The following ANKMY1 variants were observed in gnomAD, a reference collection of about 807,000 sequenced individuals.
The protein encoded by ANKMY1 is ankyrin repeat and MYND domain-containing protein 1.
Under a neutral mutation model 102.0 loss-of-function variants are expected in ANKMY1, and 98 were observed. The observed-to-expected ratio is 0.96, with a 90% confidence interval of 0.82 to 1.14. The LOEUF is 1.14. Among genes scored for constraint, ANKMY1 ranks in the 50% most tolerant of loss-of-function variants. The probability of loss-of-function intolerance (pLI) is 0.00; values close to 1 mark genes in which losing one functional copy is unlikely to be tolerated. For missense variants in ANKMY1, 1,330 were observed against 1,347.6 expected (o/e 0.99, Z 0.20); for synonymous variants, 582 against 559.9 (o/e 1.04, Z -0.56).
intron 4 of ANKMY1, among the ~76,000 whole-genome samples, chr2:240,543,012 C>T (rs1158831175): frequency 2.6e-5 from 4 of 151,620 alleles, no homozygotes; most frequent in South Asian, 4.2e-4. Context: ...GCAGTTTTCA[C>T]GAGATTTAAG....
chr2:240,472,065 G>A, the ANKMY1 span, among the ~76,000 whole-genome samples: 1 of 151,970 alleles, frequency 6.6e-6, no homozygotes, highest in East Asian at 1.9e-4. Context: ...AGGACGTGCT[G>A]GGAGACACTC....
At chr2:240,478,917 C>T (rs565927469), downstream of ANKMY1, among the ~76,000 whole-genome samples, 1 of 152,268 alleles carries the variant, frequency 6.6e-6, no homozygotes, top group African/African-American at 2.4e-5. Context: ...TCCGGGGATG[C>T]TGTCGTCCTT....
At position 240,524,030 on chromosome 2, in the gene ANKMY1, C is replaced by T; in HGVS notation, c.1687G>A (p.Val563Met). 1.9e-6 allele frequency: 3 copies of T among 1,614,038 alleles called. No individual in the cohort carries two copies. The highest frequency in any genetic ancestry group is 1.1e-5 in the South Asian group (1 of 91,086). The change falls in exon 8 of 18, where the codon GTG becomes ATG. Residue 563 changes from valine to methionine, a missense_variant. Val to Met is a conservative substitution (Grantham distance 21, BLOSUM62 1). Transcript: ENST00000401804. ...GAGAGCTCGATGGAGAAGTCGCACA[C>T]ACACACGTTGGACTCAAATTTCGTC... ...AETKFESNVC[V>M]CDFSIELSQA...
At chr2:240,482,302 G>C (rs1287525996) in intron 15 of ANKMY1, 41 bp from the exon 16 acceptor site, 1 of 1,572,780 alleles carries the variant, frequency 6.4e-7, no homozygotes, top group Non-Finnish European at 8.7e-7. Context: ...CACGTGGCAG[G>C]GTGGGGGCCA....
At chr2:240,558,374 T>C (rs1238855421), upstream of ANKMY1, 2 of 152,134 alleles carry the variant, frequency 1.3e-5, no homozygotes, top group Admixed American at 6.6e-5. Context: ...ATTCAGTAAA[T>C]GTGGAAGGCG....
rs1410462517 is a variant in ANKMY1 at position 240,520,678 on chromosome 2, C to T, written c.1833-145G>A. On this transcript the variant is annotated intron_variant, in intron 8 of 17. Coordinates refer to ENST00000401804, the MANE Select transcript of ANKMY1 (RefSeq NM_001282771.3). The surrounding 1 kb of genome is among the most constrained non-coding windows in gnomAD (Gnocchi z 4.8). ...ACTACACAATCACACACACAGCACACACCCACACACGCAGACACACCACAC... is the reference window on the plus strand; with the variant it reads ...ACTACACAATCACACACACAGCACATACCCACACACGCAGACACACCACAC... The T allele has an allele frequency of 2.9e-6, 3 of 1,028,152 alleles. No homozygotes were observed. Among genetic ancestry groups the T allele is most frequent in the East Asian group, 2.6e-5 (1 of 38,046 alleles). The allele number at this position is 1,028,152 out of a possible 1,614,324, so 63.7% of individuals were successfully genotyped here. A position where few individuals can be genotyped will look rare whatever the true frequency, so the allele number is the denominator to read the frequency against.
chr2:240,545,472 C>T lies in ANKMY1; in HGVS notation c.480+7442G>A, dbSNP rs1305982741. 3.3e-5 allele frequency among the ~76,000 whole-genome samples: 5 copies of T among 152,358 alleles called. 1 individual carries two copies. The highest frequency in any genetic ancestry group is 9.6e-5 in the African/African-American group (4 of 41,572). On this transcript the variant is annotated intron_variant, in intron 4 of 17. Transcript: ENST00000401804. ...GAGCGCCTCTCCTCCTTCAAAGGAA[C>T]GCAGTTCCTCACCAGCAACGGAACA...
chr2:240,523,915 G>A lies in ANKMY1; in HGVS notation c.1802C>T (p.Thr601Ile), dbSNP rs747112857. 25 of 1,613,490 alleles carry A rather than the reference G, an allele frequency of 1.5e-5. No individual in the cohort carries two copies. Among genetic ancestry groups the A allele is most frequent in the Non-Finnish European group, 2.0e-5 (24 of 1,179,926 alleles). ...CATGGACAGCGCCATCCTCCGCATG[G>A]TCCCTTTGTCGAAGCTGCTGGTGCA... ...SPCTSSFDKGTMRRMALSMIE... is the reference protein window; with the variant it reads ...SPCTSSFDKGIMRRMALSMIE... Residue 601 changes from threonine (T) to isoleucine (I), a missense_variant, in exon 8 of 18, where the codon ACC becomes ATC. Coordinates refer to ENST00000401804, the MANE Select transcript of ANKMY1 (RefSeq NM_001282771.3).
At chr2:240,495,516 CCTCT>C (rs914674104) in intron 15 of ANKMY1, among the ~76,000 whole-genome samples, 2 of 152,088 alleles carry the variant, frequency 1.3e-5, no homozygotes, top group African/African-American at 2.4e-5. Flanking sequence ...AGCTGTCTCT[CCTCT>C]CTCTCTCCAC....
At chr2:240,540,493 G>GA (rs1441905288) in intron 4 of ANKMY1, among the ~76,000 whole-genome samples, 1 of 152,168 alleles carries the variant, frequency 6.6e-6, no homozygotes. Flanking sequence ...TCAAAGAACT[G>GA]AAACTCACCA....
At chr2:240,549,593 G>A (rs895317895) in intron 4 of ANKMY1, among the ~76,000 whole-genome samples, 8 of 152,080 alleles carry the variant, frequency 5.3e-5, no homozygotes, top group Non-Finnish European at 8.8e-5. Context: ...CAAAATGGGA[G>A]AAAATTTTCA....
At chr2:240,541,034 G>C (rs1048314992) in intron 4 of ANKMY1, among the ~76,000 whole-genome samples, 2 of 152,128 alleles carry the variant, frequency 1.3e-5, no homozygotes, top group Non-Finnish European at 2.9e-5. Flanking sequence ...CTCTCAATTT[G>C]GGAAATTTTT....
chr2:240,486,562 G>A lies in ANKMY1; in HGVS notation c.2807-4301C>T, dbSNP rs532637243. Among the ~76,000 whole-genome samples the A allele has an allele frequency of 2.0e-5, 3 of 152,174 alleles. No homozygotes were observed. In the East Asian group the frequency reaches 5.8e-4, roughly 29 times the overall value. ...AAGGCTATAACAACCAATTCTCACA[G>A]GTTTTATCTGGAAATATGTCAATTT... On this transcript the variant is annotated intron_variant, in intron 15 of 17. Transcript: ENST00000401804.
chr2:240,557,140 C>A, intron 2 of ANKMY1, 50 bp downstream of exon 2: 1 of 1,400,234 alleles, frequency 7.1e-7, no homozygotes, highest in Non-Finnish European at 9.4e-7. Context: ...CCCGGCTAAC[C>A]CTGGGCCCCA....
the ANKMY1 span, among the ~76,000 whole-genome samples, chr2:240,473,263 A>G: frequency 1.3e-5 from 2 of 151,852 alleles, no homozygotes; most frequent in Non-Finnish European, 2.9e-5. Context: ...ATGCGAGATA[A>G]CTGAGACAAC....
At chr2:240,534,662 A>C (rs2086285685) in intron 4 of ANKMY1, among the ~76,000 whole-genome samples, 2 of 152,230 alleles carry the variant, frequency 1.3e-5, no homozygotes, top group African/African-American at 4.8e-5. Flanking sequence ...CTAATTCAAA[A>C]GTTTGACTCT....
At chr2:240,553,108 G>C (rs374198874) in intron 3 of ANKMY1, 51 bp from the exon 4 acceptor site, 5 of 1,596,188 alleles carry the variant, frequency 3.1e-6, no homozygotes, top group Non-Finnish European at 3.4e-6. Flanking sequence ...AGAACCTGAC[G>C]GGATGCCCTT....
At chr2:240,526,952 C>G (rs940917847) in intron 5 of ANKMY1, 28 of 1,053,526 alleles carry the variant, frequency 2.7e-5, no homozygotes, top group Non-Finnish European at 3.0e-5. Flanking sequence ...CAATCGAGAA[C>G]CTGTGCATTA....
intron 12 of ANKMY1, among the ~76,000 whole-genome samples, chr2:240,508,492 T>C (rs1575032135): frequency 6.6e-6 from 1 of 152,266 alleles, no homozygotes. Flanking sequence ...TCTGCTGAAA[T>C]GTCACCTCAT....
Sources: gnomAD v4.1 joint callset for allele counts (sites outside exome capture counted in the v4.1 genomes callset) on GRCh38, gnomAD v4.1.1 for gene constraint, Gnocchi (gnomAD v3.1) non-coding constraint, MANE v1.5 for transcripts, NCBI Gene and HGNC (gene_info 2026-07-23, HGNC 2026-07-21) for gene names.